The following HIRA variants were observed in gnomAD, a reference collection of about 807,000 sequenced individuals.
The protein encoded by HIRA is histone cell cycle regulator.
In HIRA, 13 loss-of-function variants were observed where a neutral mutation model predicts 126.6. The observed-to-expected ratio is 0.10, with a 90% CI of 0.07 to 0.16. The LOEUF (loss-of-function observed/expected upper bound fraction) is 0.16, where lower values mean the gene tolerates loss of function less well. Ranked by LOEUF, HIRA falls within the 10% of genes least tolerant of loss-of-function variation. The probability of loss-of-function intolerance (pLI) is 1.00; values close to 1 mark genes in which losing one functional copy is unlikely to be tolerated. For synonymous variants in HIRA, 511 were observed against 520.0 expected, an observed-to-expected ratio of 0.98 and a Z score of 0.24; for missense variants, 834 against 1,314.4, an observed-to-expected ratio of 0.63 and a Z score of 5.65.
chr22:19,420,480 AAC>A (rs2089437223), intron 1 of HIRA, among the ~76,000 whole-genome samples: 2 of 150,908 alleles, frequency 1.3e-5, no homozygotes, highest in Admixed American at 6.6e-5. Context: ...AAAAAAAAAA[AAC>A]CAAACCAAAA....
chr22:19,338,444 G>A (rs2088591421), intron 24 of HIRA, among the ~76,000 whole-genome samples: 1 of 149,576 alleles, frequency 6.7e-6, no homozygotes, highest in Non-Finnish European at 1.5e-5. Context: ...AAGGTATTCA[G>A]GTAAAAACAA....
chr22:19,371,022 T>G (rs2088960013), intron 15 of HIRA, among the ~76,000 whole-genome samples: 3 of 152,198 alleles, frequency 2.0e-5, no homozygotes, highest in Admixed American at 2.0e-4. Flanking sequence ...ATTCAGGGTA[T>G]GCACTACATG....
At chr22:19,402,657 T>C (rs1047551945) in intron 5 of HIRA, among the ~76,000 whole-genome samples, 4 of 152,216 alleles carry the variant, frequency 2.6e-5, no homozygotes, top group African/African-American at 9.6e-5. Context: ...TATTTTCCAG[T>C]TTCTATTTAA....
intron 1 of HIRA, 55 bp downstream of exon 1, chr22:19,431,385 C>A (rs2089537663): frequency 6.3e-7 from 1 of 1,589,852 alleles, no homozygotes; most frequent in Non-Finnish European, 8.6e-7. Context: ...CGACTCGACT[C>A]CAGACCCCGA....
intron 1 of HIRA, 39 bp downstream of exon 1, chr22:19,431,401 C>T: frequency 6.2e-7 from 1 of 1,603,758 alleles, no homozygotes; most frequent in Non-Finnish European, 8.5e-7. Flanking sequence ...CCCGACCCGA[C>T]TCCGGGCTCG....
intron 5 of HIRA, among the ~76,000 whole-genome samples, chr22:19,401,896 G>A (rs796962520): frequency 8.5e-5 from 13 of 152,198 alleles, no homozygotes; most frequent in African/African-American, 2.6e-4. Flanking sequence ...AGATCCCTGC[G>A]GAGACTTCAT....
In HIRA at chr22:19,392,051, C is replaced by T. The variant is rs186367657; in HGVS notation, c.936+50G>A. On this transcript the variant is annotated intron_variant, in intron 9 of 24. Transcript: ENST00000263208. Reference sequence around the variant, plus strand: ...TCTCTTTCCTCCACTTGCTACTTTACCAACCTACACCTCCCGTCCTGCAAC... The same window carrying T: ...TCTCTTTCCTCCACTTGCTACTTTATCAACCTACACCTCCCGTCCTGCAAC... 2.5e-4 allele frequency: 285 copies of T among 1,119,844 alleles called. No homozygotes were observed. The African/African-American group carries it at 3.3e-3, about 13-fold the overall frequency. 69.4% of individuals were successfully genotyped at this position (1,119,844 alleles called of 1,614,324 possible).
At position 19,394,528 on chromosome 22, in the gene HIRA, C is replaced by G. The variant is rs201008673; in HGVS notation, c.655-19G>C. 2.1e-3 allele frequency: 3,384 copies of G among 1,610,222 alleles called. 9 individuals are homozygous for G. The highest frequency in any genetic ancestry group is 2.4e-3 in the Non-Finnish European group (2,867 of 1,177,284). On this transcript the variant is annotated intron_variant, in intron 7 of 24. Transcript: ENST00000263208. Reference sequence around the variant, plus strand: ...CTCCACACTGAAAGAAGCATCTGCACTTGAAAGGAGCTCAAGGCCACCTTT... The same window carrying G: ...CTCCACACTGAAAGAAGCATCTGCAGTTGAAAGGAGCTCAAGGCCACCTTT...
chr22:19,354,168 T>C (rs782166264), intron 21 of HIRA, 50 bp from the exon 22 acceptor site: 2 of 1,573,782 alleles, frequency 1.3e-6, no homozygotes, highest in Non-Finnish European at 1.7e-6. Context: ...AGAGATCTGG[T>C]TGGCCTCTTT....
Position 19,412,518 on chromosome 22 carries a change from T to C in HIRA, c.38-1740A>G, listed in dbSNP as rs2089362261. ...GCCAGCTTGAGCTGGGCATTTGTCA[T>C]TTTAACAAAAAATGTTCTAGCTGAC... On this transcript the variant is annotated intron_variant, in intron 1 of 24. Coordinates refer to ENST00000263208, the MANE Select transcript of HIRA (RefSeq NM_003325.4). Among the ~76,000 whole-genome samples, 3 of 152,250 alleles carry C rather than the reference T, an allele frequency of 2.0e-5. No homozygotes were observed. The South Asian group carries it at 6.2e-4, about 32-fold the overall frequency.
At chr22:19,350,627 T>C (rs1325264581) in intron 24 of HIRA, among the ~76,000 whole-genome samples, 2 of 152,122 alleles carry the variant, frequency 1.3e-5, no homozygotes, top group African/African-American at 4.8e-5. Context: ...CTGGGACTGT[T>C]ACAGAAGATA....
At position 19,378,051 on chromosome 22, in the gene HIRA, T is replaced by C; in HGVS notation, c.1431A>G (p.Ala477=). The stretch of plus-strand genomic sequence containing the variant: ...CCGAGAGGGGGATGCTGTTAAAGAA[T>C]GCCGTGGAGAAGTCCCTGTCATCAA... ...AQLDTGDFST[A]FFNSIPLSGS... The change falls in exon 14 of 25, where the codon GCA becomes GCG. Residue 477 remains alanine (A), a synonymous_variant. Coordinates refer to ENST00000263208, the MANE Select transcript of HIRA (RefSeq NM_003325.4). 1.3e-6 allele frequency: 2 copies of C among 1,581,396 alleles called. No individual in the cohort carries two copies. The highest frequency in any genetic ancestry group is 1.1e-5 in the South Asian group (1 of 87,168).
chr22:19,427,492 G>A (rs1421229137), intron 1 of HIRA, among the ~76,000 whole-genome samples: 1 of 152,210 alleles, frequency 6.6e-6, no homozygotes, highest in African/African-American at 2.4e-5. Flanking sequence ...CAGTAGGACA[G>A]CTTCAAATCC....
chr22:19,385,448 C>A (rs1439844771), intron 12 of HIRA, 73 bp downstream of exon 12: 3 of 1,421,356 alleles, frequency 2.1e-6, no homozygotes, highest in Non-Finnish European at 2.9e-6. Flanking sequence ...TCCTTACCAC[C>A]ACTGGTGTCT....
rs1347170101 is a variant in HIRA, at chr22:19,431,465, C to T, written c.12G>A (p.Leu4=). 6.2e-7 allele frequency: 1 copy of T among 1,606,994 alleles called. No homozygotes were observed. The highest frequency in any genetic ancestry group is 8.5e-7 in the Non-Finnish European group (1 of 1,178,038). Residue 4 remains leucine, a synonymous_variant, in exon 1 of 25, where the codon CTG becomes CTA. Transcript: ENST00000263208. MKL[L]KPTWVNHNGK... is the part of the protein sequence containing the mutation. ...CATTGTGGTTGACCCAGGTCGGCTT[C>T]AGGAGCTTCATTGTTCGGCCGCCGC...
chr22:19,368,371 T>C (rs2088933460), intron 15 of HIRA, among the ~76,000 whole-genome samples: 1 of 152,158 alleles, frequency 6.6e-6, no homozygotes, highest in African/African-American at 2.4e-5. Context: ...CATCCATCTG[T>C]GGGTGTAGCT....
intron 9 of HIRA, among the ~76,000 whole-genome samples, chr22:19,391,839 G>A (rs751053726): frequency 2.6e-5 from 4 of 152,176 alleles, no homozygotes; most frequent in Non-Finnish European, 5.9e-5. Flanking sequence ...ATTGACCACT[G>A]AGGGTGCTGC....
Position 19,375,680 on chromosome 22 carries a change from T to C in HIRA, c.1726A>G (p.Thr576Ala). 1 of 1,614,200 alleles carries C rather than the reference T, an allele frequency of 6.2e-7. No individual in the cohort carries two copies. The highest frequency in any genetic ancestry group is 8.5e-7 in the Non-Finnish European group (1 of 1,180,040). ...DSRFTERSKA[T>A]PGAPALTSMT... ...CTGGTCAGGGCAGGAGCACCTGGTG[T>C]GGCTTTGGACCGCTCTGTGAACCGG... The change falls in exon 15 of 25, where the codon ACA becomes GCA. Residue 576 changes from threonine to alanine, a missense_variant. This residue lies in a region of HIRA where 468 missense variants were observed against 574.2 expected (regional missense o/e 0.82). Transcript: ENST00000263208.
intron 5 of HIRA, among the ~76,000 whole-genome samples, chr22:19,401,110 G>A (rs893676673): frequency 6.6e-6 from 1 of 152,052 alleles, no homozygotes; most frequent in Non-Finnish European, 1.5e-5. Context: ...CTCTCCTAGT[G>A]TTTTTTGAGT....
Sources: allele counts gnomAD v4.1 joint callset (sites outside exome capture counted in the v4.1 genomes callset), GRCh38; gene constraint gnomAD v4.1.1; regional missense constraint gnomAD v4.1.1; transcripts MANE v1.5; gene names NCBI Gene and HGNC (gene_info 2026-07-23, HGNC 2026-07-21).